The following MTRR variants were observed in gnomAD, a reference collection of about 807,000 sequenced individuals.
The protein encoded by MTRR is 5-methyltetrahydrofolate-homocysteine methyltransferase reductase.
Under a neutral mutation model 79.2 loss-of-function variants are expected in MTRR, and 63 were observed. The ratio of observed to expected loss-of-function variants is 0.80; its 90% CI spans 0.65 to 0.98. The LOEUF (loss-of-function observed/expected upper bound fraction) is 0.98, where lower values mean the gene tolerates loss of function less well. Ranked by LOEUF, MTRR falls within the 50% of genes least tolerant of loss-of-function variation. The pLI, the probability that MTRR is intolerant of heterozygous loss-of-function variation, is 0.00. For missense variants in MTRR, 895 were observed against 839.6 expected (o/e 1.07, Z -0.82); for synonymous variants, 355 against 313.3 (o/e 1.13, Z -1.41).
intron 5 of MTRR, among the ~76,000 whole-genome samples, chr5:7,879,805 A>C (rs1296081356): frequency 6.6e-6 from 1 of 152,126 alleles, no homozygotes; most frequent in Non-Finnish European, 1.5e-5. Context: ...ACCTCTAATA[A>C]CCAGAGGGTC....
At chr5:7,885,933 T>G (rs1288865084) in intron 7 of MTRR, 79 bp downstream of exon 7, 2 of 1,591,112 alleles carry the variant, frequency 1.3e-6, no homozygotes, top group African/African-American at 2.7e-5. Flanking sequence ...GGCTCTAAGG[T>G]TCAGGGTCCT....
At chr5:7,851,102 G>C, upstream of MTRR, 1 of 1,226,642 alleles carries the variant, frequency 8.2e-7, no homozygotes, top group Non-Finnish European at 1.0e-6. Context: ...GCAGGCCTCA[G>C]GTTGCTCAGC....
At chr5:7,884,276 A>G (rs161871) in intron 6 of MTRR, among the ~76,000 whole-genome samples, 40,626 of 152,094 alleles carry the variant, frequency 0.27, 6,616 homozygotes, top group African/African-American at 0.41. Flanking sequence ...GGACTCTCCC[A>G]AAAAATGATT....
At chr5:7,871,332 C>T (rs777942844) in intron 2 of MTRR, among the ~76,000 whole-genome samples, 1 of 152,166 alleles carries the variant, frequency 6.6e-6, no homozygotes, top group Non-Finnish European at 1.5e-5. Context: ...TGATGAAGGA[C>T]CGCCTAGATT....
Position 7,859,472 on chromosome 5 carries a change from A to G in MTRR, n.392-2479A>G, listed in dbSNP as rs749644018. On this transcript the variant is annotated intron_variant and non_coding_transcript_variant, in intron 1 of 3. Coordinates refer to the MTRR transcript ENST00000502509. ...CCAATGAACAGTGTTTTGAGAAAAC[A>G]GTTTTCTTTGTAAATATTCCACCAA... The G allele has an allele frequency of 1.9e-6, 3 of 1,607,660 alleles. 1 individual carries two copies. Among genetic ancestry groups the G allele is most frequent in the Non-Finnish European group, 2.5e-6 (3 of 1,176,824 alleles).
At chr5:7,865,927 C>A (rs1282869356), upstream of MTRR, 2 of 1,613,846 alleles carry the variant, frequency 1.2e-6, no homozygotes, top group Non-Finnish European at 1.7e-6. Flanking sequence ...AGGACTGAGG[C>A]TAAGAAAAGT....
At position 7,897,213 on chromosome 5, in the gene MTRR, C is replaced by A. The variant is rs1394147915; in HGVS notation, c.1918C>A (p.Leu640Ile). 25 of 1,613,816 alleles carry A rather than the reference C, an allele frequency of 1.5e-5. No homozygotes were observed. Among genetic ancestry groups the A allele is most frequent in the Non-Finnish European group, 1.9e-5 (23 of 1,179,882 alleles). The change falls in exon 14 of 15, where the codon CTC becomes ATC. Residue 640 changes from leucine to isoleucine, a missense_variant. Physicochemically the swap from Leu to Ile is conservative, Grantham distance 5. Transcript: ENST00000440940. Reference sequence around the variant, plus strand: ...TCATGGCCAGCAGGTGGCGAGAATCCTCCTCCAGGAGAACGGCCATATTTA... The same window carrying A: ...TCATGGCCAGCAGGTGGCGAGAATCATCCTCCAGGAGAACGGCCATATTTA... The part of the protein sequence containing the change: ...QLHGQQVARI[L>I]LQENGHIYVC...
At chr5:7,867,466 A>T, upstream of MTRR, 1 of 1,614,206 alleles carries the variant, frequency 6.2e-7, no homozygotes, top group Non-Finnish European at 8.5e-7. Context: ...TTCTGAGACG[A>T]TTTTGGCATT....
At chr5:7,878,950 T>C (rs1419098718) in intron 5 of MTRR, among the ~76,000 whole-genome samples, 1 of 152,238 alleles carries the variant, frequency 6.6e-6, no homozygotes, top group African/African-American at 2.4e-5. Flanking sequence ...ACTGCAGCTA[T>C]TACCAGTTTT....
chr5:7,892,066 A>T (rs1213399075), intron 10 of MTRR, among the ~76,000 whole-genome samples: 1 of 152,044 alleles, frequency 6.6e-6, no homozygotes, highest in Non-Finnish European at 1.5e-5. Flanking sequence ...AGAATATTTG[A>T]TGAGCACTGG....
chr5:7,854,659 C>A (rs1484245703), intron 1 of MTRR, among the ~76,000 whole-genome samples: 1 of 152,156 alleles, frequency 6.6e-6, no homozygotes, highest in Non-Finnish European at 1.5e-5. Context: ...TATGGGGGAA[C>A]CACCCCCATG....
At chr5:7,887,653 G>T (rs1247283708) in intron 8 of MTRR, among the ~76,000 whole-genome samples, 3 of 147,410 alleles carry the variant, frequency 2.0e-5, no homozygotes, top group Non-Finnish European at 3.0e-5. Context: ...TGTAATGAAA[G>T]CTTACCGATT....
chr5:7,858,344 T>A (rs1019845594), intron 1 of MTRR, among the ~76,000 whole-genome samples: 1 of 152,152 alleles, frequency 6.6e-6, no homozygotes, highest in Admixed American at 6.5e-5. Flanking sequence ...ATTACCCAGA[T>A]TTCAGAGAGC....
rs1360569677 is a variant in MTRR at position 7,896,685 on chromosome 5, T to G, written c.1677-179T>G. The G allele has an allele frequency of 6.3e-6, 4 of 636,324 alleles. No individual in the cohort carries two copies. The East Asian group carries it at 1.1e-4, about 17-fold the overall frequency. The allele number at this position is 636,324 out of a possible 1,614,324, so 39.4% of individuals were successfully genotyped here. ...CCACACACTTGCCTAGTGTGGCATC[T>G]GCTCGAGTGGCCATGACAGCCTGTG... On this transcript the variant is annotated intron_variant, in intron 12 of 14. Transcript: ENST00000440940.
At chr5:7,891,089 C>G (rs1257863928) in intron 9 of MTRR, among the ~76,000 whole-genome samples, 1 of 151,890 alleles carries the variant, frequency 6.6e-6, no homozygotes, top group African/African-American at 2.4e-5. Context: ...ACTTATGGAC[C>G]CATTCCTAGA....
chr5:7,895,507 T>A (rs1392457113), intron 11 of MTRR, among the ~76,000 whole-genome samples: 1 of 152,208 alleles, frequency 6.6e-6, no homozygotes. Context: ...ATGCCTATCA[T>A]TTTTTACAAC....
chr5:7,867,116 A>C, upstream of MTRR: 1 of 1,614,204 alleles, frequency 6.2e-7, no homozygotes, highest in Non-Finnish European at 8.5e-7. Flanking sequence ...GACATGCCTC[A>C]CGACATATTT....
At chr5:7,852,731 G>A (rs1047650650) in intron 1 of MTRR, among the ~76,000 whole-genome samples, 3 of 131,116 alleles carry the variant, frequency 2.3e-5, no homozygotes, top group Non-Finnish European at 5.0e-5. Context: ...TAAAGCAGCA[G>A]CCAAATATGT....
At chr5:7,866,150 C>T (rs1347960293), upstream of MTRR, among the ~76,000 whole-genome samples, 1 of 152,124 alleles carries the variant, frequency 6.6e-6, no homozygotes, top group Non-Finnish European at 1.5e-5. Context: ...CCTCTTGCCA[C>T]CAATGAAATT....
Sources: gnomAD v4.1 joint callset for allele counts (sites outside exome capture counted in the v4.1 genomes callset) on GRCh38, gnomAD v4.1.1 for gene constraint, MANE v1.5 for transcripts, NCBI Gene and HGNC (gene_info 2026-07-23, HGNC 2026-07-21) for gene names.